MANEA: variants seen among roughly 807,000 people sequenced by gnomAD.
MANEA encodes the protein mannosidase endo-alpha.
Under a neutral mutation model 36.8 loss-of-function variants are expected in MANEA, and 25 were observed. The observed-to-expected ratio is 0.68, with a 90% CI of 0.50 to 0.95. The LOEUF (loss-of-function observed/expected upper bound fraction) is 0.95, where lower values mean the gene tolerates loss of function less well. MANEA is among the 40% of genes least tolerant of loss of function. The probability of loss-of-function intolerance (pLI) is 0.00; values close to 1 mark genes in which losing one functional copy is unlikely to be tolerated. For missense variants in MANEA, 565 were observed against 558.8 expected (o/e 1.01, Z -0.11); for synonymous variants, 198 against 188.5 (o/e 1.05, Z -0.41).
At chr6:95,604,061 G>GGTGTGTGT (rs71012509) in intron 3 of MANEA, among the ~76,000 whole-genome samples, 7,912 of 138,294 alleles carry the variant, frequency 0.057, 312 homozygotes, top group East Asian at 0.11. Flanking sequence ...TATGTATGTA[G>GGTGTGTGT]GTGTGTGTGT....
At chr6:95,581,615 C>G (rs1187924741) in intron 1 of MANEA, among the ~76,000 whole-genome samples, 1 of 152,130 alleles carries the variant, frequency 6.6e-6, no homozygotes, top group African/African-American at 2.4e-5. Context: ...GTAGGCAAAA[C>G]AGATACCCTC....
rs1444512276 is a variant in MANEA at position 95,596,800 on chromosome 6, A to C, written c.608A>C (p.Asn203Thr). Reference protein sequence around the residue: ...VNDENGEPTDNLVPTILDKAH... With the variant: ...VNDENGEPTDTLVPTILDKAH... ...GATGAAAATGGAGAACCTACTGATA[A>C]CTTGGTACCCACTATTTTGGATAAA... The change falls in exon 3 of 5, where the codon AAC becomes ACC. Residue 203 changes from asparagine to threonine, a missense_variant. Asn to Thr is a moderately conservative substitution (Grantham distance 65, BLOSUM62 0). Coordinates refer to ENST00000358812, the MANE Select transcript of MANEA (RefSeq NM_024641.4). 3 of 1,607,520 alleles carry C rather than the reference A, an allele frequency of 1.9e-6. No homozygotes were observed. The African/African-American group carries it at 4.0e-5, about 22-fold the overall frequency.
intron 1 of MANEA, among the ~76,000 whole-genome samples, chr6:95,581,057 G>C (rs1769170636): frequency 6.6e-6 from 1 of 152,140 alleles, no homozygotes; most frequent in Non-Finnish European, 1.5e-5. Context: ...AAAATCCTAT[G>C]AGTGAAGTAA....
At chr6:95,601,620 AC>A (rs1769590353) in intron 3 of MANEA, among the ~76,000 whole-genome samples, 1 of 151,826 alleles carries the variant, frequency 6.6e-6, no homozygotes, top group African/African-American at 2.4e-5. Flanking sequence ...TTTTAGAGCC[AC>A]TGAGATTGTG....
At chr6:95,602,817 G>A (rs1011364518) in intron 3 of MANEA, among the ~76,000 whole-genome samples, 5 of 150,170 alleles carry the variant, frequency 3.3e-5, no homozygotes, top group African/African-American at 1.2e-4. Context: ...TCAGGAGATC[G>A]AGACCATCCT....
At chr6:95,602,449 GAGA>G (rs1769611133) in intron 3 of MANEA, among the ~76,000 whole-genome samples, 1 of 152,038 alleles carries the variant, frequency 6.6e-6, no homozygotes, top group Non-Finnish European at 1.5e-5. Flanking sequence ...AATAGAGTTG[GAGA>G]AGGAGAAAGT....
Position 95,607,705 on chromosome 6 carries a change from TCTC to T in MANEA, c.*1303_*1305del, listed in dbSNP as rs1409119557. The T allele has an allele frequency of 2.0e-5, 3 of 151,672 alleles. No homozygotes were observed. Among genetic ancestry groups the T allele is most frequent in the African/African-American group, 7.2e-5 (3 of 41,416 alleles). 9.4% of individuals were successfully genotyped at this position (151,672 alleles called of 1,614,324 possible). ...TGATCACTTGTGTACGAAAAATAAA[TCTC>T]CTTAAAAACTAAATAAAATGCACTG... On this transcript the variant is annotated 3_prime_UTR_variant, in exon 5 of 5. Transcript: ENST00000358812.
chr6:95,601,091 A>G (rs1201035379), intron 3 of MANEA, among the ~76,000 whole-genome samples: 1 of 152,044 alleles, frequency 6.6e-6, no homozygotes, highest in African/African-American at 2.4e-5. Context: ...TTAAATCTTG[A>G]TTTTTCAAAG....
At chr6:95,605,705 G>C in intron 4 of MANEA, 43 bp from the exon 5 acceptor site, 1 of 1,469,810 alleles carries the variant, frequency 6.8e-7, no homozygotes, top group South Asian at 1.2e-5. Flanking sequence ...TGGCAAATTA[G>C]TTGTGAATAT....
chr6:95,590,668 G>T (rs1184164856), intron 2 of MANEA, among the ~76,000 whole-genome samples: 1 of 152,128 alleles, frequency 6.6e-6, no homozygotes, highest in Non-Finnish European at 1.5e-5. Flanking sequence ...TAACTGTAGA[G>T]TGGTGATATT....
At chr6:95,589,426 C>T (rs533878290) in intron 2 of MANEA, among the ~76,000 whole-genome samples, 5 of 152,174 alleles carry the variant, frequency 3.3e-5, no homozygotes, top group African/African-American at 9.6e-5. Flanking sequence ...GCTGTTATAT[C>T]GCAGAGTACA....
At chr6:95,577,856 G>A (rs1769099679) in intron 1 of MANEA, among the ~76,000 whole-genome samples, 1 of 152,224 alleles carries the variant, frequency 6.6e-6, no homozygotes, top group African/African-American at 2.4e-5. Flanking sequence ...TCACTCTTAG[G>A]CCTGTTTTAG....
intron 2 of MANEA, among the ~76,000 whole-genome samples, chr6:95,591,975 T>G (rs1029249684): frequency 1.3e-5 from 2 of 152,212 alleles, no homozygotes; most frequent in African/African-American, 2.4e-5. Context: ...GTGCTAGGAT[T>G]ACAGGCGTCA....
At chr6:95,603,553 T>TA (rs1039747802) in intron 3 of MANEA, among the ~76,000 whole-genome samples, 1 of 151,688 alleles carries the variant, frequency 6.6e-6, no homozygotes, top group African/African-American at 2.4e-5. Flanking sequence ...ATATTTTTTT[T>TA]AAATATTATT....
At chr6:95,599,015 A>G (rs1411671080) in intron 3 of MANEA, among the ~76,000 whole-genome samples, 1 of 152,126 alleles carries the variant, frequency 6.6e-6, no homozygotes, top group Non-Finnish European at 1.5e-5. Flanking sequence ...ATAGCAACAA[A>G]ACCTTCCTTA....
chr6:95,601,013 A>G (rs936005530), intron 3 of MANEA, among the ~76,000 whole-genome samples: 1 of 152,132 alleles, frequency 6.6e-6, no homozygotes, highest in Non-Finnish European at 1.5e-5. Flanking sequence ...TGCTTTAGTT[A>G]TTTTTCATTA....
At position 95,593,921 on chromosome 6, in the gene MANEA, C is replaced by T. The variant is rs559412926; in HGVS notation, c.545-2816C>T. Among the ~76,000 whole-genome samples, 3 of 152,180 alleles carry T rather than the reference C, an allele frequency of 2.0e-5. No homozygotes were observed. The South Asian group carries it at 6.2e-4, about 32-fold the overall frequency. On this transcript the variant is annotated intron_variant, in intron 2 of 4. Coordinates refer to ENST00000358812, the MANE Select transcript of MANEA (RefSeq NM_024641.4). ...ATTAGCCAGGTGTGGTGGTGGGTGC[C>T]TGTAATCCCAGAGGAGGGATTCTAT... is the stretch of plus-strand genomic sequence containing the variant.
At chr6:95,605,271 A>G (rs1358824383) in intron 4 of MANEA, among the ~76,000 whole-genome samples, 1 of 152,158 alleles carries the variant, frequency 6.6e-6, no homozygotes, top group Non-Finnish European at 1.5e-5. Context: ...AACACAGTAG[A>G]CCCAGAGCTG....
At position 95,606,279 on chromosome 6, in the gene MANEA, TAC is replaced by T. The variant is rs1398412080; in HGVS notation, c.1265_1266del (p.Thr422SerfsTer9). ...EKAVPKRTSN[T>X]VYLDYRPHKP... Reference sequence around the variant, plus strand: ...AAGCTGTTCCCAAAAGAACCAGTAATACAGTGTACCTAGATTACCGTCCTCAT... The same window carrying T: ...AAGCTGTTCCCAAAAGAACCAGTAATAGTGTACCTAGATTACCGTCCTCAT... On this transcript the variant is annotated frameshift_variant, in exon 5 of 5. Transcript: ENST00000358812. LOFTEE classifies it high-confidence loss of function. 1 of 1,613,442 alleles carries T rather than the reference TAC, an allele frequency of 6.2e-7. No homozygotes were observed. Among genetic ancestry groups the T allele is most frequent in the Non-Finnish European group, 8.5e-7 (1 of 1,179,960 alleles).
Sources: allele counts gnomAD v4.1 joint callset (sites outside exome capture counted in the v4.1 genomes callset), GRCh38; gene constraint gnomAD v4.1.1; transcripts MANE v1.5; gene names NCBI Gene and HGNC (gene_info 2026-07-23, HGNC 2026-07-21).